The following ASTN1 variants were observed in gnomAD, a reference collection of about 807,000 sequenced individuals.
ASTN1 encodes the protein astrotactin 1.
Under a neutral mutation model 140.7 loss-of-function variants are expected in ASTN1, and 41 were observed. The observed-to-expected ratio is 0.29, with a 90% CI of 0.23 to 0.38. The LOEUF is 0.38. ASTN1 is among the 10% of genes least tolerant of loss of function. The pLI, the probability that ASTN1 is intolerant of heterozygous loss-of-function variation, is 1.00. For synonymous variants in ASTN1, 640 were observed against 652.2 expected, an observed-to-expected ratio of 0.98 and a Z score of 0.29; for missense variants, 1,479 against 1,678.8, an observed-to-expected ratio of 0.88 and a Z score of 2.08.
At chr1:177,083,148 A>T (rs1679261757) in intron 1 of ASTN1, among the ~76,000 whole-genome samples, 1 of 152,076 alleles carries the variant, frequency 6.6e-6, no homozygotes, top group African/African-American at 2.4e-5. Flanking sequence ...GAGAGGCAAG[A>T]TAGTCTCATT....
intron 8 of ASTN1, among the ~76,000 whole-genome samples, chr1:176,979,911 A>G (rs1424038941): frequency 6.6e-6 from 1 of 152,210 alleles, no homozygotes; most frequent in East Asian, 1.9e-4. Flanking sequence ...CTTTCAAGGT[A>G]ATAATTATAA....
chr1:177,030,498 G>C (rs1676372391), intron 4 of ASTN1, among the ~76,000 whole-genome samples: 1 of 152,200 alleles, frequency 6.6e-6, no homozygotes, highest in African/African-American at 2.4e-5. Context: ...CCTGTTGATG[G>C]ACATTTAAGC....
rs1682560186 is a variant in ASTN1, at chr1:177,143,407, G to A, written c.283+20987C>T. 2.6e-5 allele frequency among the ~76,000 whole-genome samples: 4 copies of A among 152,132 alleles called. No homozygotes were observed. The South Asian group carries it at 8.3e-4, about 32-fold the overall frequency. On this transcript the variant is annotated intron_variant, in intron 1 of 22. Transcript: ENST00000361833. ...TGGCCACGCGCAGGGACTTTATTCT[G>A]GGCTGAACCATCGTGGATGGAGAAT...
chr1:177,121,432 A>C (rs187050801), intron 1 of ASTN1, among the ~76,000 whole-genome samples: 40 of 152,164 alleles, frequency 2.6e-4, no homozygotes, highest in Admixed American at 3.9e-4. Context: ...CTGGGTTTTC[A>C]CTATCAGTTC....
In ASTN1 at chr1:176,885,896, T is replaced by C. The variant is rs116152122; in HGVS notation, c.3075-1406A>G. 3.2e-3 allele frequency among the ~76,000 whole-genome samples: 485 copies of C among 152,096 alleles called. 5 individuals carry two copies. The highest frequency in any genetic ancestry group is 0.011 in the African/African-American group (468 of 41,468). ...ACACAAAAGTAAGGAATTCAACTAG[T>C]GGGAAAATAATACAAAACACATGCT... is the stretch of plus-strand genomic sequence containing the variant. On this transcript the variant is annotated intron_variant, in intron 18 of 22. Coordinates refer to ENST00000361833, the MANE Select transcript of ASTN1 (RefSeq NM_004319.3).
chr1:176,867,388 A>G (rs1263827479), intron 22 of ASTN1, among the ~76,000 whole-genome samples: 1 of 152,080 alleles, frequency 6.6e-6, no homozygotes, highest in Non-Finnish European at 1.5e-5. Flanking sequence ...AGAGGAGAGG[A>G]CAGTTAGAGA....
intron 18 of ASTN1, among the ~76,000 whole-genome samples, chr1:176,884,896 T>C (rs947609528): frequency 3.3e-5 from 5 of 152,164 alleles, no homozygotes; most frequent in African/African-American, 1.2e-4. Flanking sequence ...TAAAGACGTA[T>C]TGAAGGTGAT....
At chr1:176,948,911 G>T (rs1672067803) in intron 12 of ASTN1, among the ~76,000 whole-genome samples, 1 of 152,186 alleles carries the variant, frequency 6.6e-6, no homozygotes, top group African/African-American at 2.4e-5. Flanking sequence ...AATGATTTAA[G>T]TAAACCATGT....
At chr1:177,141,837 G>A (rs754636862) in intron 1 of ASTN1, among the ~76,000 whole-genome samples, 7 of 152,272 alleles carry the variant, frequency 4.6e-5, no homozygotes, top group Non-Finnish European at 7.4e-5. Context: ...TTTTGGAAAC[G>A]TCACCTTGGA....
chr1:177,030,481 C>T (rs1333678120), intron 4 of ASTN1, among the ~76,000 whole-genome samples: 5 of 152,190 alleles, frequency 3.3e-5, no homozygotes, highest in African/African-American at 4.8e-5. Context: ...AGGTAGTTAA[C>T]CAATTCCCTG....
intron 1 of ASTN1, among the ~76,000 whole-genome samples, chr1:177,097,669 T>C (rs1426245731): frequency 2.0e-5 from 3 of 151,976 alleles, no homozygotes; most frequent in Non-Finnish European, 4.4e-5. Flanking sequence ...CATCCCGGAG[T>C]TTATGCTAAT....
intron 8 of ASTN1, among the ~76,000 whole-genome samples, chr1:176,998,820 G>A (rs371865149): frequency 6.6e-6 from 1 of 152,172 alleles, no homozygotes; most frequent in Non-Finnish European, 1.5e-5. Context: ...AGGCGGCACC[G>A]TGACGGTTTT....
chr1:177,055,885 G>T (rs894780304), intron 2 of ASTN1, among the ~76,000 whole-genome samples: 1 of 152,154 alleles, frequency 6.6e-6, no homozygotes, highest in African/African-American at 2.4e-5. Context: ...GAAGGCAAAA[G>T]GCGCTGACAA....
At chr1:177,005,084 A>C (rs1166220152) in intron 8 of ASTN1, among the ~76,000 whole-genome samples, 1 of 152,174 alleles carries the variant, frequency 6.6e-6, no homozygotes, top group Non-Finnish European at 1.5e-5. Flanking sequence ...TATTTGCAAA[A>C]CATGCATCTG....
At chr1:177,131,263 T>C (rs1681926546) in intron 1 of ASTN1, among the ~76,000 whole-genome samples, 1 of 152,172 alleles carries the variant, frequency 6.6e-6, no homozygotes, top group Non-Finnish European at 1.5e-5. Flanking sequence ...ATTGTACTTC[T>C]GGGAATCTAT....
At chr1:177,024,455 T>C (rs1163355051) in intron 6 of ASTN1, 128 bp downstream of exon 6, 1 of 1,200,864 alleles carries the variant, frequency 8.3e-7, no homozygotes, top group Non-Finnish European at 1.2e-6. Flanking sequence ...CATCCTTACT[T>C]ATTTCAGTTT....
At chr1:177,119,499 G>T (rs1004180121) in intron 1 of ASTN1, among the ~76,000 whole-genome samples, 1 of 130,552 alleles carries the variant, frequency 7.7e-6, no homozygotes, top group African/African-American at 4.4e-5. Flanking sequence ...TGGTAACAAG[G>T]TTCTGGATGG....
At chr1:176,901,437 G>A (rs1347312352) in intron 16 of ASTN1, among the ~76,000 whole-genome samples, 1 of 152,200 alleles carries the variant, frequency 6.6e-6, no homozygotes, top group African/African-American at 2.4e-5. Flanking sequence ...TATATCTGGT[G>A]TCCTGGGTCA....
intron 21 of ASTN1, among the ~76,000 whole-genome samples, chr1:176,875,894 A>G (rs1668539521): frequency 6.6e-6 from 1 of 152,218 alleles, no homozygotes; most frequent in Non-Finnish European, 1.5e-5. Context: ...ACCTTAGAAC[A>G]GGGGATGATG....
Sources: gnomAD v4.1 joint callset for allele counts (sites outside exome capture counted in the v4.1 genomes callset) on GRCh38, gnomAD v4.1.1 for gene constraint, MANE v1.5 for transcripts, NCBI Gene and HGNC (gene_info 2026-07-23, HGNC 2026-07-21) for gene names.